Variants in FRMD4B observed in about 807,000 individuals in gnomAD.
FRMD4B encodes FERM domain containing 4B.
FRMD4B carries 74 observed loss-of-function variants against 141.5 expected under a neutral mutation model. The ratio of observed to expected loss-of-function variants is 0.52; its 90% CI spans 0.43 to 0.63. FRMD4B has a LOEUF of 0.63. Ranked by LOEUF, FRMD4B falls within the 30% of genes least tolerant of loss-of-function variation. The pLI, the probability that FRMD4B is intolerant of heterozygous loss-of-function variation, is 0.00. For synonymous variants in FRMD4B, 506 were observed against 467.9 expected (o/e 1.08, Z -1.05); for missense variants, 1,366 against 1,253.4 (o/e 1.09, Z -1.36).
intron 1 of FRMD4B, among the ~76,000 whole-genome samples, chr3:69,325,081 A>AGAAAGAGAGAAAG: frequency 7.5e-5 from 1 of 13,308 alleles, no homozygotes; most frequent in African/African-American, 1.3e-4. Context: ...TGTCTAAAAA[A>AGAAAGAGAGAAAG]AAAAAAAGAA....
intron 2 of FRMD4B, among the ~76,000 whole-genome samples, chr3:69,431,331 T>C (rs1705175356): frequency 6.6e-6 from 1 of 152,216 alleles, no homozygotes; most frequent in African/African-American, 2.4e-5. Flanking sequence ...TGAGCCCCTG[T>C]AGCTTTTTTC....
intron 2 of FRMD4B, among the ~76,000 whole-genome samples, chr3:69,416,036 A>C (rs72939679): frequency 0.01 from 1,530 of 152,336 alleles, 31 homozygotes; most frequent in African/African-American, 0.035. Flanking sequence ...TTAAATATTA[A>C]AAGTTTTATA....
chr3:69,335,603 G>A (rs1026403359), intron 1 of FRMD4B, among the ~76,000 whole-genome samples: 3 of 151,278 alleles, frequency 2.0e-5, no homozygotes, highest in Non-Finnish European at 4.4e-5. Flanking sequence ...GGCATGAGCC[G>A]CTGCAGCCGG....
chr3:69,418,909 A>T lies in FRMD4B; in HGVS notation c.-1+13725T>A, dbSNP rs1704922927. ...TTGTTTAAGCTGCTAAATTTGTGGT[A>T]ATTTGTTATGCAGCAATAAAAAACT... On this transcript the variant is annotated intron_variant, in intron 2 of 5. Coordinates refer to the FRMD4B transcript ENST00000459638. Among the ~76,000 whole-genome samples the T allele has an allele frequency of 3.9e-5, 6 of 152,152 alleles. 1 individual carries two copies. The South Asian group carries it at 1.2e-3, about 32-fold the overall frequency.
chr3:69,259,698 C>T (rs17005577), intron 5 of FRMD4B, among the ~76,000 whole-genome samples: 5,928 of 152,218 alleles, frequency 0.039, 166 homozygotes, highest in East Asian at 0.1. Context: ...TCTTTGACAT[C>T]CTCTTATTTT....
upstream of FRMD4B, among the ~76,000 whole-genome samples, chr3:69,388,500 C>T (rs1704316591): frequency 6.6e-6 from 1 of 152,080 alleles, no homozygotes; most frequent in South Asian, 2.1e-4. Flanking sequence ...GATTCCGACT[C>T]ATGCTAAAAT....
intron 2 of FRMD4B, among the ~76,000 whole-genome samples, chr3:69,396,249 G>A (rs1227449471): frequency 6.6e-6 from 1 of 152,178 alleles, no homozygotes; most frequent in Non-Finnish European, 1.5e-5. Flanking sequence ...GCTCATGCCT[G>A]TAATCCCAGC....
chr3:69,474,903 T>C (rs897124996), intron 1 of FRMD4B, among the ~76,000 whole-genome samples: 1 of 152,260 alleles, frequency 6.6e-6, no homozygotes, highest in Non-Finnish European at 1.5e-5. Flanking sequence ...GGAAAGCCTA[T>C]AGACAGAGCA....
intron 5 of FRMD4B, among the ~76,000 whole-genome samples, chr3:69,280,301 G>A (rs192019503): frequency 3.9e-5 from 6 of 152,190 alleles, no homozygotes; most frequent in East Asian, 1.9e-4. Flanking sequence ...AGGGGCCCTC[G>A]CTTGAACAAC....
intron 1 of FRMD4B, chr3:69,333,912 T>C (rs892244444): frequency 6.6e-6 from 1 of 152,176 alleles, no homozygotes; most frequent in African/African-American, 2.4e-5. Context: ...CCAGAAATTA[T>C]TTTTCTTTTA....
chr3:69,458,668 T>G (rs1705655720), intron 1 of FRMD4B, among the ~76,000 whole-genome samples: 1 of 152,106 alleles, frequency 6.6e-6, no homozygotes, highest in Non-Finnish European at 1.5e-5. Context: ...TTTGGATACC[T>G]TCAGGGTATT....
chr3:69,290,242 A>G (rs1302977869), intron 4 of FRMD4B, among the ~76,000 whole-genome samples: 6 of 152,186 alleles, frequency 3.9e-5, no homozygotes, highest in African/African-American at 1.4e-4. Flanking sequence ...TGCATGATGA[A>G]TGAGTCAACC....
chr3:69,249,150 T>G, intron 7 of FRMD4B, 76 bp downstream of exon 7: 1 of 903,974 alleles, frequency 1.1e-6, no homozygotes, highest in Non-Finnish European at 1.8e-6. Context: ...TTGTATCCAT[T>G]GTTATTTAAA....
intron 5 of FRMD4B, among the ~76,000 whole-genome samples, chr3:69,276,380 C>T (rs1392791300): frequency 4.6e-5 from 7 of 152,044 alleles, no homozygotes; most frequent in South Asian, 2.1e-4. Flanking sequence ...TCAAGTGATC[C>T]GCCCACCTCA....
rs35703345 is a variant in FRMD4B at position 69,291,910 on chromosome 3, CTTTTTTT to C, written c.417-4081_417-4075del. Among the ~76,000 whole-genome samples the C allele has an allele frequency of 8.4e-3, 891 of 105,492 alleles. 13 individuals are homozygous for C. The highest frequency in any genetic ancestry group is 0.029 in the African/African-American group (827 of 28,164). 69.2% of individuals were successfully genotyped at this position (105,492 alleles called of 152,430 possible). Reference sequence around the variant, plus strand: ...AATACAAAGTGCTCTACAGGAATCTCTTTTTTTTTTTTTTTTTTTTTTTCCATCTTTG... The same window carrying C: ...AATACAAAGTGCTCTACAGGAATCTCTTTTTTTTTTTTTTTTCCATCTTTG... On this transcript the variant is annotated intron_variant, in intron 4 of 22. Transcript: ENST00000398540.
At chr3:69,392,696 T>C (rs1704405360) in intron 2 of FRMD4B, among the ~76,000 whole-genome samples, 1 of 152,072 alleles carries the variant, frequency 6.6e-6, no homozygotes. Flanking sequence ...TGGGCAAAAG[T>C]GCCACCCTCA....
chr3:69,479,675 A>G (rs1285934144), intron 1 of FRMD4B, among the ~76,000 whole-genome samples: 1 of 152,070 alleles, frequency 6.6e-6, no homozygotes. Context: ...GACTCTGACA[A>G]TTATGTGTCT....
At chr3:69,277,042 C>T (rs2093621187) in intron 5 of FRMD4B, among the ~76,000 whole-genome samples, 1 of 152,096 alleles carries the variant, frequency 6.6e-6, no homozygotes, top group African/African-American at 2.4e-5. Context: ...AAGGGCACAC[C>T]TAATAAGGTC....
intron 1 of FRMD4B, among the ~76,000 whole-genome samples, chr3:69,452,193 G>A (rs537649684): frequency 2.2e-4 from 34 of 152,308 alleles, no homozygotes; most frequent in Middle Eastern, 6.8e-3. Context: ...AACAGTGATC[G>A]GAAGAGAAAT....
Sources: gnomAD v4.1 joint callset for allele counts (sites outside exome capture counted in the v4.1 genomes callset) on GRCh38, gnomAD v4.1.1 for gene constraint, MANE v1.5 for transcripts, NCBI Gene and HGNC (gene_info 2026-07-23, HGNC 2026-07-21) for gene names.